Variants in ACACA observed in about 807,000 individuals in gnomAD.
ACACA encodes the protein acetyl-CoA carboxylase 1.
In ACACA, 103 loss-of-function variants were observed where a neutral mutation model predicts 296.1. The observed-to-expected ratio is 0.35, with a 90% CI of 0.30 to 0.41. ACACA has a LOEUF of 0.41. Among genes scored for constraint, ACACA ranks in the 10% least tolerant of loss-of-function variants. ACACA has a pLI of 1.00. For synonymous variants in ACACA, 953 were observed against 1,038.6 expected, an observed-to-expected ratio of 0.92 and a Z score of 1.58; for missense variants, 1,554 against 2,989.7, an observed-to-expected ratio of 0.52 and a Z score of 11.20.
At chr17:37,260,502 T>A (rs966708081) in intron 11 of ACACA, among the ~76,000 whole-genome samples, 2 of 148,856 alleles carry the variant, frequency 1.3e-5, no homozygotes, top group African/African-American at 5.0e-5. Context: ...TGGGTTTTCA[T>A]CATGTTGGCC....
intron 3 of ACACA, among the ~76,000 whole-genome samples, chr17:37,285,887 A>G (rs2082744036): frequency 6.6e-6 from 1 of 152,032 alleles, no homozygotes; most frequent in Non-Finnish European, 1.5e-5. Flanking sequence ...TTAAATTGGC[A>G]GTACTGTTTT....
intron 11 of ACACA, among the ~76,000 whole-genome samples, chr17:37,261,373 G>T (rs556055588): frequency 6.6e-6 from 1 of 152,298 alleles, no homozygotes; most frequent in African/African-American, 2.4e-5. Flanking sequence ...ATATCTAGAA[G>T]AAATCTATGA....
chr17:37,383,081 T>A (rs529433667), intron 1 of ACACA, among the ~76,000 whole-genome samples: 2 of 152,150 alleles, frequency 1.3e-5, no homozygotes, highest in African/African-American at 4.8e-5. Context: ...TTTTGAACTT[T>A]GAATATTAAT....
At chr17:37,180,026 G>C (rs974358342) in intron 40 of ACACA, among the ~76,000 whole-genome samples, 10 of 152,314 alleles carry the variant, frequency 6.6e-5, no homozygotes, top group Admixed American at 6.5e-4. Flanking sequence ...CCAACTTCCT[G>C]TAAGTAAATC....
chr17:37,333,267 C>T (rs951766342), intron 2 of ACACA, among the ~76,000 whole-genome samples: 7 of 152,114 alleles, frequency 4.6e-5, no homozygotes, highest in Non-Finnish European at 1.0e-4. Context: ...TATCAAACAT[C>T]GGGAAGCCAT....
At chr17:37,218,977 T>C (rs1373950212) in intron 29 of ACACA, among the ~76,000 whole-genome samples, 1 of 152,180 alleles carries the variant, frequency 6.6e-6, no homozygotes, top group Non-Finnish European at 1.5e-5. Flanking sequence ...TCCCAAGTAA[T>C]AGGAGTGTCA....
intron 33 of ACACA, among the ~76,000 whole-genome samples, chr17:37,203,627 C>T (rs913932689): frequency 1.3e-5 from 2 of 151,958 alleles, no homozygotes; most frequent in African/African-American, 4.8e-5. Flanking sequence ...TCTGTAATCC[C>T]AGCTACTCAG....
chr17:37,191,951 G>C, intron 37 of ACACA, 139 bp downstream of exon 37: 1 of 864,558 alleles, frequency 1.2e-6, no homozygotes, highest in Non-Finnish European at 1.8e-6. Flanking sequence ...AATAGAACAA[G>C]AACCTTGATT....
At chr17:37,160,887 G>A (rs1293406227) in intron 42 of ACACA, among the ~76,000 whole-genome samples, 2 of 152,130 alleles carry the variant, frequency 1.3e-5, no homozygotes, top group Non-Finnish European at 2.9e-5. Context: ...TCAAAGGATT[G>A]TTGGACTAGA....
chr17:37,339,563 G>A (rs1299923440), intron 2 of ACACA, among the ~76,000 whole-genome samples: 1 of 152,324 alleles, frequency 6.6e-6, no homozygotes, highest in East Asian at 1.9e-4. Flanking sequence ...TAGCTGTCCA[G>A]ACACTCTAGA....
chr17:37,085,428 G>C lies in ACACA; in HGVS notation c.*1888C>G. ...GAAGACATGCCTGGACAGGCCTCCT[G>C]GGGGGTGCAGGACTTCATACCACTT... On this transcript the variant is annotated 3_prime_UTR_variant, in exon 56 of 56. Coordinates refer to ENST00000616317, the MANE Select transcript of ACACA (RefSeq NM_198834.3). 2.5e-6 allele frequency: 1 copy of C among 393,712 alleles called. No homozygotes were observed. Among genetic ancestry groups the C allele is most frequent in the Non-Finnish European group, 4.5e-6 (1 of 223,530 alleles). 24.4% of individuals were successfully genotyped at this position (393,712 alleles called of 1,614,324 possible). A position where few individuals can be genotyped will look rare whatever the true frequency, so the allele number is the denominator to read the frequency against.
At chr17:37,101,026 A>C (rs1369264556) in intron 52 of ACACA, among the ~76,000 whole-genome samples, 1 of 151,682 alleles carries the variant, frequency 6.6e-6, no homozygotes, top group East Asian at 1.9e-4. Context: ...GAACCCGGGA[A>C]CTGGAGTTTG....
intron 2 of ACACA, among the ~76,000 whole-genome samples, chr17:37,335,431 G>A (rs1363914423): frequency 6.6e-6 from 1 of 152,100 alleles, no homozygotes; most frequent in Admixed American, 6.6e-5. Flanking sequence ...CATCAGGTGG[G>A]TAACTCCTCC....
chr17:37,308,495 C>T (rs2083984359), intron 3 of ACACA, among the ~76,000 whole-genome samples: 1 of 151,970 alleles, frequency 6.6e-6, no homozygotes, highest in South Asian at 2.1e-4. Flanking sequence ...GAAAAACAAG[C>T]ATATTATTAC....
At chr17:37,224,922 G>A (rs2079470092) in intron 27 of ACACA, 70 bp downstream of exon 27, 2 of 646,082 alleles carry the variant, frequency 3.1e-6, no homozygotes, top group East Asian at 3.5e-5. Context: ...CTTAAACTAT[G>A]CTTGAGAATA....
chr17:37,260,282 ATATATATATATATATTTTTTTTTTTT>A (rs1201150183), intron 11 of ACACA, among the ~76,000 whole-genome samples: 3 of 35,606 alleles, frequency 8.4e-5, no homozygotes, highest in African/African-American at 4.5e-4. Flanking sequence ...ATATATATAT[ATATATATATATATATTTTTTTTTTTT>A]TTTTTTTTGG....
intron 1 of ACACA, among the ~76,000 whole-genome samples, chr17:37,380,394 G>A (rs1283963546): frequency 2.0e-5 from 3 of 151,422 alleles, no homozygotes; most frequent in Non-Finnish European, 4.4e-5. Context: ...CCTGCACAAT[G>A]TGCACATGTA....
chr17:37,119,085 C>A lies in ACACA; in HGVS notation c.6274+2270G>T, dbSNP rs903083677. ...AAGTAAGGAGTAATAGCATAGCATT[C>A]TCTCCCAGGTCTCAACAAAAATATT... On this transcript the variant is annotated intron_variant, in intron 50 of 55. Transcript: ENST00000616317. 3.3e-5 allele frequency among the ~76,000 whole-genome samples: 5 copies of A among 152,142 alleles called. 1 individual carries two copies. The highest frequency in any genetic ancestry group is 1.2e-4 in the African/African-American group (5 of 41,428).
chr17:37,399,948 A>T (rs904659028), intron 1 of ACACA, among the ~76,000 whole-genome samples: 1 of 152,066 alleles, frequency 6.6e-6, no homozygotes, highest in African/African-American at 2.4e-5. Context: ...TTCATGATGT[A>T]CAACATGTGT....
Sources: allele counts gnomAD v4.1 joint callset (sites outside exome capture counted in the v4.1 genomes callset), GRCh38; gene constraint gnomAD v4.1.1; transcripts MANE v1.5; gene names NCBI Gene and HGNC (gene_info 2026-07-23, HGNC 2026-07-21).